The following DAZAP1 variants were observed in gnomAD, a reference collection of about 807,000 sequenced individuals.
DAZAP1 encodes DAZ associated protein 1.
Under a neutral mutation model 60.1 loss-of-function variants are expected in DAZAP1, and 6 were observed. That is an observed-to-expected ratio of 0.10 (90% confidence interval 0.05 to 0.20). DAZAP1 has a LOEUF of 0.20. Among genes scored for constraint, DAZAP1 ranks in the 10% least tolerant of loss-of-function variants. The pLI is 1.00. For missense variants in DAZAP1, 366 were observed against 560.4 expected (o/e 0.65, Z 3.50); for synonymous variants, 235 against 215.9 (o/e 1.09, Z -0.78).
intron 1 of DAZAP1, among the ~76,000 whole-genome samples, chr19:1,412,440 G>A (rs1197473178): frequency 6.6e-6 from 1 of 152,244 alleles, no homozygotes; most frequent in Admixed American, 6.5e-5. Context: ...GCACGGAGCT[G>A]AGTGTGACTG....
At chr19:1,407,924 A>G in intron 1 of DAZAP1, 122 bp downstream of exon 1, 1 of 894,912 alleles carries the variant, frequency 1.1e-6, no homozygotes, top group Non-Finnish European at 1.4e-6. Flanking sequence ...CCGGGGGCGG[A>G]CTCGGGACCC....
rs533772766 is a variant in DAZAP1 at position 1,433,441 on chromosome 19, T to G, written c.1048+751T>G. 3 of 423,056 alleles carry G rather than the reference T, an allele frequency of 7.1e-6. No individual in the cohort carries two copies. Among genetic ancestry groups the G allele is most frequent in the African/African-American group, 6.1e-5 (3 of 49,162 alleles). The allele number at this position is 423,056 out of a possible 1,614,324, so 26.2% of individuals were successfully genotyped here. On this transcript the variant is annotated intron_variant, in intron 11 of 11. Transcript: ENST00000233078. The surrounding 1 kb of genome is among the most constrained non-coding windows in gnomAD (Gnocchi z 6.1). ...ACCTGTCTGCAGGTGGCCACGGGCT[T>G]CCGGGGTGCCTGTGAACACGCTTCC...
rs1016288835 is a variant in DAZAP1 at position 1,433,898 on chromosome 19, C to T, written c.1049-839C>T. On this transcript the variant is annotated intron_variant, in intron 11 of 11. Coordinates refer to ENST00000233078, the MANE Select transcript of DAZAP1 (RefSeq NM_018959.4). The surrounding 1 kb of genome is among the most constrained non-coding windows in gnomAD (Gnocchi z 6.1). ...GGGAGGTGGACGTGGCTTCCTCTGC[C>T]GTCCCGGGCGGGGGTGGACGCTGGC... The T allele has an allele frequency of 8.2e-5, 116 of 1,421,194 alleles. No homozygotes were observed. Among genetic ancestry groups the T allele is most frequent in the African/African-American group, 2.1e-4 (15 of 71,042 alleles). 88.0% of individuals were successfully genotyped at this position (1,421,194 alleles called of 1,614,324 possible). A position where few individuals can be genotyped will look rare whatever the true frequency, so the allele number is the denominator to read the frequency against.
At position 1,417,538 on chromosome 19, in the gene DAZAP1, A is replaced by G; in HGVS notation, c.68A>G (p.Gln23Arg). Residue 23 changes from glutamine to arginine, a missense_variant and splice_region_variant, in exon 2 of 12, where the codon CAA (glutamine) becomes CGA (arginine). Physicochemically the swap from Gln to Arg is conservative, Grantham distance 43. Transcript: ENST00000233078. ...FVGGLDWSTT[Q>R]ETLRSYFSQY... is the part of the protein sequence containing the mutation. ...GGCGGTCTTGACTGGAGCACGACCC[A>G]AGGTAGGTGGGGAAGGGGTGTCAGG... 6.2e-7 allele frequency: 1 copy of G among 1,605,452 alleles called. No homozygotes were observed. Among genetic ancestry groups the G allele is most frequent in the Non-Finnish European group, 8.5e-7 (1 of 1,176,396 alleles).
intron 5 of DAZAP1, 77 bp downstream of exon 5, chr19:1,421,335 A>T (rs1600216725): frequency 1.5e-6 from 2 of 1,334,518 alleles, no homozygotes; most frequent in South Asian, 2.4e-5. Context: ...TTGGGGCTGG[A>T]GTGGCCGAGC....
chr19:1,415,387 G>GTGTT (rs2082949534), intron 1 of DAZAP1, among the ~76,000 whole-genome samples: 2 of 142,468 alleles, frequency 1.4e-5, no homozygotes, highest in Non-Finnish European at 3.0e-5. Context: ...GTGTGTGTGT[G>GTGTT]TGTTTTGTTT....
chr19:1,417,495 C>T lies in DAZAP1; in HGVS notation c.30-5C>T, dbSNP rs371504202. ...GATCCTGAATGTTTTCTCATTGAAT[C>T]GCAGGAAGCTCTTCGTGGGCGGTCT... On this transcript the variant is annotated splice_region_variant and splice_polypyrimidine_tract_variant and intron_variant, in intron 1 of 11. Transcript: ENST00000233078. The T allele has an allele frequency of 1.7e-5, 28 of 1,603,274 alleles. No individual in the cohort carries two copies. The highest frequency in any genetic ancestry group is 4.5e-5 in the East Asian group (2 of 44,542).
chr19:1,407,619 A>AGCCGCCGCCGCCACC lies in DAZAP1; in HGVS notation c.-143_-142insACCGCCGCCGCCGCC, dbSNP rs2082701203. On this transcript the variant is annotated 5_prime_UTR_variant, in exon 1 of 12. Coordinates refer to ENST00000233078, the MANE Select transcript of DAZAP1 (RefSeq NM_018959.4). The stretch of plus-strand genomic sequence containing the variant: ...ACCGTTGGCGCCGAGGGGAGGAGGC[A>AGCCGCCGCCGCCACC]GCCGCCGCCGCCGCCGCCGCCGCCG... 1 of 235,986 alleles carries AGCCGCCGCCGCCACC rather than the reference A, an allele frequency of 4.2e-6. No individual in the cohort carries two copies. The highest frequency in any genetic ancestry group is 1.4e-4 in the South Asian group (1 of 7,270). 14.6% of individuals were successfully genotyped at this position (235,986 alleles called of 1,614,324 possible). A position where few individuals can be genotyped will look rare whatever the true frequency, so the allele number is the denominator to read the frequency against.
chr19:1,419,679 TA>T (rs2083089918), intron 4 of DAZAP1, among the ~76,000 whole-genome samples: 1 of 152,192 alleles, frequency 6.6e-6, no homozygotes. Flanking sequence ...TAGCTTTTCT[TA>T]AGATATAATG....
chr19:1,414,597 T>C (rs534834500), intron 1 of DAZAP1, among the ~76,000 whole-genome samples: 2 of 151,540 alleles, frequency 1.3e-5, no homozygotes, highest in East Asian at 4.0e-4. Context: ...ATACAAAAAT[T>C]AGCTGGCGGG....
At position 1,426,060 on chromosome 19, in the gene DAZAP1, G is replaced by T; in HGVS notation, c.546+100G>T. 1 of 912,954 alleles carries T rather than the reference G, an allele frequency of 1.1e-6. No individual in the cohort carries two copies. 56.6% of individuals were successfully genotyped at this position (912,954 alleles called of 1,614,324 possible). A position where few individuals can be genotyped will look rare whatever the true frequency, so the allele number is the denominator to read the frequency against. On this transcript the variant is annotated intron_variant, in intron 7 of 11. Coordinates refer to ENST00000233078, the MANE Select transcript of DAZAP1 (RefSeq NM_018959.4). This position sits in a 1 kb window ranked among gnomAD's most constrained non-coding sequence, Gnocchi z 5.4. ...AACATTCCTTCACGGAAAGGGTCGG[G>T]CGAGTTCGTCCTGTGAACCTTTGCT...
Position 1,432,075 on chromosome 19 carries a change from G to T in DAZAP1, c.872-439G>T. On this transcript the variant is annotated intron_variant, in intron 10 of 11. Coordinates refer to ENST00000233078, the MANE Select transcript of DAZAP1 (RefSeq NM_018959.4). The surrounding 1 kb of genome is among the most constrained non-coding windows in gnomAD (Gnocchi z 4.9). ...CTGATATCCAGCAACAGAGGGCAAG[G>T]GCGGCAGCACCTCCAGCATGACAGT... 1.1e-5 allele frequency: 2 copies of T among 179,274 alleles called. No individual in the cohort carries two copies. Among genetic ancestry groups the T allele is most frequent in the Non-Finnish European group, 2.4e-5 (2 of 84,010 alleles). 11.1% of individuals were successfully genotyped at this position (179,274 alleles called of 1,614,324 possible).
rs1210160949 is a variant in DAZAP1, at chr19:1,430,837, C to T, written c.871+475C>T. On this transcript the variant is annotated intron_variant, in intron 10 of 11. Coordinates refer to ENST00000233078, the MANE Select transcript of DAZAP1 (RefSeq NM_018959.4). ...CTGGGTTCACACCATTCTCCTGCCTCAGTCTCCCGAGTAGCTGGGACTACA... is the reference window on the plus strand; with the variant it reads ...CTGGGTTCACACCATTCTCCTGCCTTAGTCTCCCGAGTAGCTGGGACTACA... 9.2e-5 allele frequency among the ~76,000 whole-genome samples: 14 copies of T among 151,594 alleles called. 1 individual carries two copies. Among genetic ancestry groups the T allele is most frequent in the Admixed American group, 9.2e-4 (14 of 15,220 alleles).
At chr19:1,412,444 G>T (rs1354227820) in intron 1 of DAZAP1, among the ~76,000 whole-genome samples, 3 of 152,228 alleles carry the variant, frequency 2.0e-5, no homozygotes, top group African/African-American at 7.2e-5. Context: ...GGAGCTGAGT[G>T]TGACTGGCGG....
At position 1,415,848 on chromosome 19, in the gene DAZAP1, T is replaced by A. The variant is rs545659342; in HGVS notation, c.30-1652T>A. 5.1e-4 allele frequency: 77 copies of A among 152,344 alleles called. 1 individual carries two copies. The highest frequency in any genetic ancestry group is 3.7e-3 in the Admixed American group (56 of 15,310). The allele number at this position is 152,344 out of a possible 1,614,324, so 9.4% of individuals were successfully genotyped here. ...CAGGGCGGCTGGCACACCCCGCCTC[T>A]AATTCTTCCCGCCTCAGCCCTCCCC... On this transcript the variant is annotated intron_variant, in intron 1 of 11. Coordinates refer to ENST00000233078, the MANE Select transcript of DAZAP1 (RefSeq NM_018959.4).
At chr19:1,417,323 G>A in intron 1 of DAZAP1, 177 bp from the exon 2 acceptor site, 1 of 704,956 alleles carries the variant, frequency 1.4e-6, no homozygotes, top group Non-Finnish European at 2.5e-6. Context: ...CATGTCTGCA[G>A]ACAGCATGGG....
intron 1 of DAZAP1, among the ~76,000 whole-genome samples, chr19:1,408,071 C>G (rs1436889749): frequency 1.3e-5 from 2 of 152,012 alleles, no homozygotes; most frequent in African/African-American, 4.8e-5. Context: ...CGGGGGGCCC[C>G]GCCGCCGCCT....
Position 1,432,343 on chromosome 19 carries a change from G to A in DAZAP1, c.872-171G>A. 4.2e-6 allele frequency: 3 copies of A among 709,914 alleles called. No homozygotes were observed. The Admixed American group carries it at 6.4e-5, about 15-fold the overall frequency. 44.0% of individuals were successfully genotyped at this position (709,914 alleles called of 1,614,324 possible). On this transcript the variant is annotated intron_variant, in intron 10 of 11. Transcript: ENST00000233078. This position sits in a 1 kb window ranked among gnomAD's most constrained non-coding sequence, Gnocchi z 4.9. ...TGTGTTTCCTGGGGGGAGCGGCCCG[G>A]GACCGTGGCTCTGTGGTCCATTCTG... is the stretch of plus-strand genomic sequence containing the variant.
intron 6 of DAZAP1, among the ~76,000 whole-genome samples, chr19:1,424,340 CT>C (rs2083249041): frequency 7.4e-5 from 8 of 107,838 alleles, no homozygotes; most frequent in African/African-American, 1.0e-4. Context: ...CCCCCTCCCC[CT>C]CCTCCTCCCC....
Sources: allele counts gnomAD v4.1 joint callset (sites outside exome capture counted in the v4.1 genomes callset), GRCh38; gene constraint gnomAD v4.1.1; non-coding constraint Gnocchi (gnomAD v3.1); transcripts MANE v1.5; gene names NCBI Gene and HGNC (gene_info 2026-07-23, HGNC 2026-07-21).